IGFBP7: variants seen among roughly 807,000 people sequenced by gnomAD.
IGFBP7 encodes the protein insulin-like growth factor-binding protein 7.
Under a neutral mutation model 29.4 loss-of-function variants are expected in IGFBP7, and 31 were observed. The ratio of observed to expected loss-of-function variants is 1.05; its 90% CI spans 0.79 to 1.42. IGFBP7 has a LOEUF of 1.42. IGFBP7 is among the 40% of genes most tolerant of loss of function. IGFBP7 has a pLI of 0.00. For missense variants in IGFBP7, 393 were observed against 395.5 expected (o/e 0.99, Z 0.05); for synonymous variants, 172 against 174.9 (o/e 0.98, Z 0.13).
intron 1 of IGFBP7, among the ~76,000 whole-genome samples, chr4:57,094,068 T>C (rs1725699623): frequency 6.6e-6 from 1 of 152,136 alleles, no homozygotes; most frequent in Non-Finnish European, 1.5e-5. Context: ...GACTCTCTTA[T>C]ATTGAGTCTA....
rs768253016 is a variant in IGFBP7, at chr4:57,033,311, C to G, written c.586G>C (p.Val196Leu). ...IPTPVLIWNK[V>L]KRGHYGVQRT... is the part of the protein sequence containing the mutation. Reference sequence around the variant, plus strand: ...TGAACTCCATAGTGACCCCTTTTTACCTGCAAAAACAAAAGGAGAGTAATA... The same window carrying G: ...TGAACTCCATAGTGACCCCTTTTTAGCTGCAAAAACAAAAGGAGAGTAATA... The change falls in exon 3 of 5, where the codon GTA (valine) becomes CTA (leucine). Residue 196 changes from valine (V) to leucine (L), a missense_variant and splice_region_variant. Coordinates refer to ENST00000295666, the MANE Select transcript of IGFBP7 (RefSeq NM_001553.3). 6 of 1,603,618 alleles carry G rather than the reference C, an allele frequency of 3.7e-6. No homozygotes were observed. The highest frequency in any genetic ancestry group is 5.1e-6 in the Non-Finnish European group (6 of 1,170,448).
At chr4:57,059,536 A>G (rs1718836) in intron 1 of IGFBP7, among the ~76,000 whole-genome samples, 149,543 of 152,190 alleles carry the variant, frequency 0.98, 73,515 homozygotes, top group East Asian at 1. Flanking sequence ...ACAAGCGGGA[A>G]CTAAATGATG....
intron 1 of IGFBP7, among the ~76,000 whole-genome samples, chr4:57,087,740 G>A (rs868122508): frequency 3.9e-5 from 6 of 152,188 alleles, no homozygotes; most frequent in East Asian, 1.9e-4. Context: ...CTGTGACTTC[G>A]TTTATTTCCA....
chr4:57,084,788 G>GTTTTTTTTTTTTTTTTTTTTTTTTTTTTT lies in IGFBP7; in HGVS notation c.475+25088_475+25089insAAAAAAAAAAAAAAAAAAAAAAAAAAAAA, dbSNP rs57704332. Among the ~76,000 whole-genome samples, 2 of 113,104 alleles carry GTTTTTTTTTTTTTTTTTTTTTTTTTTTTT rather than the reference G, an allele frequency of 1.8e-5. 1 individual carries two copies. Among genetic ancestry groups the GTTTTTTTTTTTTTTTTTTTTTTTTTTTTT allele is most frequent in the Non-Finnish European group, 3.4e-5 (2 of 58,094 alleles). The allele number at this position is 113,104 out of a possible 152,430, so 74.2% of individuals were successfully genotyped here. ...CTTTTTACTCAGATGTTTAAAAAAGGTTTTTTTTTTTTTTTTTTTTGGGAC... is the reference window on the plus strand; with the variant it reads ...CTTTTTACTCAGATGTTTAAAAAAGGTTTTTTTTTTTTTTTTTTTTTTTTTTTTTTTTTTTTTTTTTTTTTTTTTGGGAC... On this transcript the variant is annotated intron_variant, in intron 1 of 4. Coordinates refer to ENST00000295666, the MANE Select transcript of IGFBP7 (RefSeq NM_001553.3).
In IGFBP7 at chr4:57,040,879, A is replaced by C; in HGVS notation, c.530T>G (p.Val177Gly). 3 of 1,614,180 alleles carry C rather than the reference A, an allele frequency of 1.9e-6. No homozygotes were observed. The highest frequency in any genetic ancestry group is 1.7e-6 in the Non-Finnish European group (2 of 1,180,018). ...KDIWNVTGAQVYLSCEVIGIP... is the reference protein window; with the variant it reads ...KDIWNVTGAQGYLSCEVIGIP... ...TCCGATGACCTCACAGCTCAAGTAC[A>C]CCTGGGCACCAGTGACATTCCAGAT... Residue 177 changes from valine (V) to glycine (G), a missense_variant, in exon 2 of 5, where the codon GTG becomes GGG. Transcript: ENST00000295666.
At chr4:57,038,051 A>G (rs1387057698) in intron 2 of IGFBP7, among the ~76,000 whole-genome samples, 1 of 152,204 alleles carries the variant, frequency 6.6e-6, no homozygotes, top group African/African-American at 2.4e-5. Context: ...TTCACTGTAA[A>G]GGATGGTATA....
chr4:57,107,267 C>A (rs1156613683), intron 1 of IGFBP7, among the ~76,000 whole-genome samples: 1 of 152,152 alleles, frequency 6.6e-6, no homozygotes, highest in Non-Finnish European at 1.5e-5. Flanking sequence ...AACCAAAGAC[C>A]AGAGGGCAGA....
At chr4:57,057,729 T>C (rs1042884411) in intron 1 of IGFBP7, among the ~76,000 whole-genome samples, 1 of 152,124 alleles carries the variant, frequency 6.6e-6, no homozygotes, top group African/African-American at 2.4e-5. Context: ...TCAAAGATAA[T>C]GAATGGATCT....
In IGFBP7 at chr4:57,040,900, C is replaced by T; in HGVS notation, c.509G>A (p.Trp170Ter). 6.2e-7 allele frequency: 1 copy of T among 1,614,098 alleles called. No individual in the cohort carries two copies. Among genetic ancestry groups the T allele is most frequent in the African/African-American group, 1.3e-5 (1 of 75,050 alleles). Residue 170 changes from tryptophan (W) to a stop codon, truncating the protein, a stop_gained, in exon 2 of 5, where the codon TGG becomes TAG. Transcript: ENST00000295666. LOFTEE classifies it high-confidence loss of function. ...GTACACCTGGGCACCAGTGACATTC[C>T]AGATGTCCTTGGGGGGCGTCACTAT... is the stretch of plus-strand genomic sequence containing the variant. ...PSIVTPPKDI[W>*]NVTGAQVYLS...
At chr4:57,085,916 G>A (rs1264948112) in intron 1 of IGFBP7, among the ~76,000 whole-genome samples, 1 of 152,020 alleles carries the variant, frequency 6.6e-6, no homozygotes, top group Non-Finnish European at 1.5e-5. Context: ...TATTGTTTCT[G>A]TCCTGCTCAA....
At position 57,109,868 on chromosome 4, in the gene IGFBP7, C is replaced by T; in HGVS notation, c.475+9G>A. The T allele has an allele frequency of 1.3e-6, 2 of 1,537,748 alleles. No homozygotes were observed. Among genetic ancestry groups the T allele is most frequent in the South Asian group, 1.2e-5 (1 of 84,008 alleles). On this transcript the variant is annotated intron_variant, in intron 1 of 4. Coordinates refer to ENST00000295666, the MANE Select transcript of IGFBP7 (RefSeq NM_001553.3). ...GCGCAGGGTTGGAGAGGGAAGCGCTCGTGCCCACCTTGCTCGCAGGTGCCC... is the reference window on the plus strand; with the variant it reads ...GCGCAGGGTTGGAGAGGGAAGCGCTTGTGCCCACCTTGCTCGCAGGTGCCC...
At chr4:57,052,494 T>C (rs1247458344) in intron 1 of IGFBP7, among the ~76,000 whole-genome samples, 1 of 152,210 alleles carries the variant, frequency 6.6e-6, no homozygotes, top group Non-Finnish European at 1.5e-5. Flanking sequence ...GGGAAGGCTA[T>C]GTGGGGTCCT....
At chr4:57,057,382 A>G (rs1418563156) in intron 1 of IGFBP7, among the ~76,000 whole-genome samples, 1 of 152,236 alleles carries the variant, frequency 6.6e-6, no homozygotes. Context: ...AAAGTATCCT[A>G]ACGGTCACGT....
At chr4:57,034,531 G>A (rs1483615862) in intron 2 of IGFBP7, among the ~76,000 whole-genome samples, 9 of 151,622 alleles carry the variant, frequency 5.9e-5, no homozygotes, top group African/African-American at 2.2e-4. Flanking sequence ...CCAGATAATA[G>A]TGTGTATATA....
At chr4:57,072,910 C>A in intron 1 of IGFBP7, 1 of 716,392 alleles carries the variant, frequency 1.4e-6, no homozygotes, top group Non-Finnish European at 2.6e-6. Context: ...ACCACCCCAA[C>A]ATGGACACCC....
intron 3 of IGFBP7, among the ~76,000 whole-genome samples, chr4:57,032,821 G>A (rs1280112975): frequency 1.3e-5 from 2 of 152,184 alleles, no homozygotes; most frequent in Admixed American, 1.3e-4. Flanking sequence ...TCGGTTTAAG[G>A]GCAACCTTGA....
chr4:57,047,978 C>A (rs959654514), intron 1 of IGFBP7, among the ~76,000 whole-genome samples: 4 of 152,178 alleles, frequency 2.6e-5, no homozygotes, highest in Non-Finnish European at 4.4e-5. Context: ...AGGCAACCTG[C>A]CTGCCTCGGC....
intron 4 of IGFBP7, 83 bp downstream of exon 4, chr4:57,032,343 T>C (rs1723951697): frequency 6.4e-7 from 1 of 1,555,640 alleles, no homozygotes; most frequent in East Asian, 2.3e-5. Flanking sequence ...AATAGCTACG[T>C]CTGATACTTT....
intron 1 of IGFBP7, chr4:57,073,198 G>C (rs1344067280): frequency 8.6e-7 from 1 of 1,164,336 alleles, no homozygotes; most frequent in African/African-American, 1.6e-5. Context: ...TGTCCTTTCT[G>C]TGATTTTTGT....
Sources: gnomAD v4.1 joint callset for allele counts (sites outside exome capture counted in the v4.1 genomes callset) on GRCh38, gnomAD v4.1.1 for gene constraint, MANE v1.5 for transcripts, NCBI Gene and HGNC (gene_info 2026-07-23, HGNC 2026-07-21) for gene names.